RAB9B: variants seen among roughly 807,000 people sequenced by gnomAD.
RAB9B encodes RAB9B, member RAS oncogene family.
A neutral mutation model predicts 8.9 loss-of-function variants in RAB9B; 1 was observed. That is an observed-to-expected ratio of 0.11 (90% CI 0.04 to 0.53). The LOEUF is 0.53. Among genes scored for constraint, RAB9B ranks in the 20% least tolerant of loss-of-function variants. The probability of loss-of-function intolerance (pLI) is 0.93; values close to 1 mark genes in which losing one functional copy is unlikely to be tolerated. For missense variants in RAB9B, 82 were observed against 152.9 expected (o/e 0.54, Z 2.45); for synonymous variants, 63 against 57.0 (o/e 1.10, Z -0.47).
the RAB9B span, among the ~76,000 whole-genome samples, chrX:103,794,843 A>G: frequency 8.9e-6 from 1 of 112,141 alleles, no homozygotes; most frequent in Non-Finnish European, 1.9e-5. Context: ...AGACGCAAAC[A>G]TACTCTTCAT....
At chrX:103,781,096 AT>A in the RAB9B span, 1 of 217,273 alleles carries the variant, frequency 4.6e-6, no homozygotes, top group African/African-American at 2.9e-5. Context: ...GCAGGGTACA[AT>A]TGGTCTCTTT....
chrX:103,821,091 C>T (rs1168601009), downstream of RAB9B, among the ~76,000 whole-genome samples: 2 of 107,817 alleles, frequency 1.9e-5, no homozygotes, highest in Non-Finnish European at 3.8e-5. Context: ...TGCTTAAGTT[C>T]AGGAGGTGGA....
the RAB9B span, among the ~76,000 whole-genome samples, chrX:103,816,256 G>C: frequency 9.1e-6 from 1 of 110,138 alleles, no homozygotes. Flanking sequence ...GAACAGAACA[G>C]AGGTCTCAGA....
At chrX:103,786,194 G>A in the RAB9B span, 3 of 1,130,908 alleles carry the variant, frequency 2.7e-6, no homozygotes, top group South Asian at 3.9e-5. Flanking sequence ...CTGAAGGGTG[G>A]GGCAGGGAGA....
chrX:103,783,121 A>G, the RAB9B span, among the ~76,000 whole-genome samples: 1 of 111,973 alleles, frequency 8.9e-6, no homozygotes, highest in Admixed American at 9.4e-5. Flanking sequence ...GTTGAGAAAG[A>G]GGAAGATCAA....
At chrX:103,796,292 C>T in the RAB9B span, among the ~76,000 whole-genome samples, 1 of 111,082 alleles carries the variant, frequency 9.0e-6, no homozygotes, top group Non-Finnish European at 1.9e-5. Flanking sequence ...ACCAGTCTGG[C>T]CAACATTGCA....
At chrX:103,814,212 A>G in the RAB9B span, among the ~76,000 whole-genome samples, 925 of 112,003 alleles carry the variant, frequency 8.3e-3, 6 homozygotes, top group African/African-American at 0.028. Context: ...GCAAATGTAA[A>G]AGAACAGAAA....
downstream of RAB9B, among the ~76,000 whole-genome samples, chrX:103,821,005 C>G (rs971285863): frequency 1.1e-5 from 1 of 88,923 alleles, no homozygotes; most frequent in East Asian, 3.2e-4. Flanking sequence ...CACACACACA[C>G]ACACACACAA....
In RAB9B at chrX:103,822,869, G is replaced by C. The variant is rs956779527; in HGVS notation, c.*2310C>G. The C allele has an allele frequency of 2.2e-4, 25 of 111,355 alleles. No individual in the cohort carries two copies. The highest frequency in any genetic ancestry group is 5.6e-4 in the African/African-American group (17 of 30,596). The allele number at this position is 111,355 out of a possible 1,213,427, so 9.2% of individuals were successfully genotyped here. A position where few individuals can be genotyped will look rare whatever the true frequency, so the allele number is the denominator to read the frequency against. On this transcript the variant is annotated 3_prime_UTR_variant, in exon 3 of 3. Transcript: ENST00000243298. ...ACTTAATGTTGAGTGCTTTCATTAA[G>C]ATATTGAGTGGTAATTTGGTAGAAA... is the stretch of plus-strand genomic sequence containing the variant.
chrX:103,786,004 C>A, the RAB9B span: 3 of 422,087 alleles, frequency 7.1e-6, no homozygotes, highest in Non-Finnish European at 7.9e-6. Flanking sequence ...TGTTTTCTTA[C>A]ACGTGTTCTG....
chrX:103,795,467 C>T, the RAB9B span, among the ~76,000 whole-genome samples: 1 of 111,273 alleles, frequency 9.0e-6, no homozygotes, highest in Admixed American at 9.6e-5. Context: ...AAATACAAAG[C>T]TGATTCTGAG....
chrX:103,782,861 A>G, the RAB9B span, among the ~76,000 whole-genome samples: 1 of 112,083 alleles, frequency 8.9e-6, no homozygotes, highest in Non-Finnish European at 1.9e-5. Flanking sequence ...GGAAAGAACA[A>G]GGCTTCTTTG....
At chrX:103,820,973 CACACACACAT>C (rs766061105), downstream of RAB9B, among the ~76,000 whole-genome samples, 14,036 of 59,434 alleles carry the variant, frequency 0.24, 1,363 homozygotes, top group African/African-American at 0.37. Context: ...CACACACACA[CACACACACAT>C]ACACACACAC....
At chrX:103,812,968 A>C in the RAB9B span, among the ~76,000 whole-genome samples, 1 of 103,124 alleles carries the variant, frequency 9.7e-6, no homozygotes, top group Non-Finnish European at 2.0e-5. Context: ...TTGAGGCAGA[A>C]TATTGCTCTG....
chrX:103,801,121 G>C, the RAB9B span, among the ~76,000 whole-genome samples: 2 of 111,086 alleles, frequency 1.8e-5, no homozygotes, highest in African/African-American at 6.6e-5. Context: ...GTCTTCCTGG[G>C]CTTACAGTGG....
chrX:103,802,388 A>C, the RAB9B span, among the ~76,000 whole-genome samples: 2 of 111,545 alleles, frequency 1.8e-5, no homozygotes, highest in Non-Finnish European at 3.8e-5. Context: ...CAAATTAAAC[A>C]AACAAATGAT....
the RAB9B span, among the ~76,000 whole-genome samples, chrX:103,799,892 G>A: frequency 9.0e-6 from 1 of 111,079 alleles, no homozygotes; most frequent in African/African-American, 3.3e-5. Flanking sequence ...GATGCGGGGC[G>A]GGGGACTCCT....
At chrX:103,801,012 T>C in the RAB9B span, among the ~76,000 whole-genome samples, 1 of 111,956 alleles carries the variant, frequency 8.9e-6, no homozygotes, top group Non-Finnish European at 1.9e-5. Flanking sequence ...AAAGAAGTGA[T>C]AGTTTTCAAT....
chrX:103,798,886 C>T, the RAB9B span, among the ~76,000 whole-genome samples: 1,422 of 108,331 alleles, frequency 0.013, 25 homozygotes, highest in African/African-American at 0.045. Flanking sequence ...GTGATTTGCC[C>T]GCCTCAGCCT....
Sources: gnomAD v4.1 joint callset for allele counts (sites outside exome capture counted in the v4.1 genomes callset) on GRCh38, gnomAD v4.1.1 for gene constraint, MANE v1.5 for transcripts, NCBI Gene and HGNC (gene_info 2026-07-23, HGNC 2026-07-21) for gene names.